Variants in DNAI4 observed in about 807,000 individuals in gnomAD.
DNAI4 encodes the protein dynein axonemal intermediate chain 4, also known as WD repeat domain 78.
A neutral mutation model predicts 105.8 loss-of-function variants in DNAI4; 85 were observed. The ratio of observed to expected loss-of-function variants is 0.80; its 90% CI spans 0.67 to 0.96. DNAI4 has a LOEUF of 0.96. Among genes scored for constraint, DNAI4 ranks in the 40% least tolerant of loss-of-function variants. The pLI is 0.00. For synonymous variants in DNAI4, 352 were observed against 331.5 expected, an observed-to-expected ratio of 1.06 and a Z score of -0.67; for missense variants, 1,014 against 1,005.6, an observed-to-expected ratio of 1.01 and a Z score of -0.11.
At chr1:66,876,341 G>C (rs1489048207) in intron 4 of DNAI4, among the ~76,000 whole-genome samples, 1 of 152,104 alleles carries the variant, frequency 6.6e-6, no homozygotes, top group Non-Finnish European at 1.5e-5. Context: ...GTTTCTTACT[G>C]TTAGACCACC....
In DNAI4 at chr1:66,892,999, G is replaced by GAGAA. The variant is rs1386535708; in HGVS notation, c.530+226_530+229dup. 1.5e-3 allele frequency among the ~76,000 whole-genome samples: 103 copies of GAGAA among 70,262 alleles called. 2 individuals carry two copies. Among genetic ancestry groups the GAGAA allele is most frequent in the African/African-American group, 6.2e-3 (101 of 16,324 alleles). 46.1% of individuals were successfully genotyped at this position (70,262 alleles called of 152,430 possible). On this transcript the variant is annotated intron_variant, in intron 3 of 16. Coordinates refer to ENST00000371026, the MANE Select transcript of DNAI4 (RefSeq NM_024763.5). ...AAAGAAAGAAAGAAAGAAAGAAAGA[G>GAGAA]AGAAAGAGAGAGAGGAAAGAAAGAA...
intron 1 of DNAI4, among the ~76,000 whole-genome samples, chr1:66,916,567 G>A (rs1650088882): frequency 6.6e-6 from 1 of 152,118 alleles, no homozygotes; most frequent in Admixed American, 6.6e-5. Flanking sequence ...GAAAGAGGTT[G>A]GAATGTGGGA....
rs1557961651 is a variant in DNAI4 at position 66,890,773 on chromosome 1, A to G, written c.643+381T>C. ...AAGAGGAGGAGGAGGAAGAGGAAGA[A>G]GAGGAAGAGGAGGAAGAAGAAGTGA... On this transcript the variant is annotated intron_variant, in intron 4 of 16. Coordinates refer to ENST00000371026, the MANE Select transcript of DNAI4 (RefSeq NM_024763.5). This position sits in a 1 kb window ranked among gnomAD's most constrained non-coding sequence, Gnocchi z 4.1. 2 of 268,470 alleles carry G rather than the reference A, an allele frequency of 7.4e-6. No homozygotes were observed. The highest frequency in any genetic ancestry group is 3.7e-5 in the South Asian group (1 of 26,896). The allele number at this position is 268,470 out of a possible 1,614,324, so 16.6% of individuals were successfully genotyped here.
At position 66,901,671 on chromosome 1, in the gene DNAI4, G is replaced by A. The variant is rs373000227; in HGVS notation, c.345+3530C>T. On this transcript the variant is annotated intron_variant, in intron 2 of 16. Coordinates refer to ENST00000371026, the MANE Select transcript of DNAI4 (RefSeq NM_024763.5). ...CTATTGTGCATAATGCTGATATGAA[G>A]ATGGTTGTACAAATATCTGTTTGAA... is the stretch of plus-strand genomic sequence containing the variant. 3.3e-5 allele frequency among the ~76,000 whole-genome samples: 5 copies of A among 152,174 alleles called. No individual in the cohort carries two copies. The East Asian group carries it at 7.7e-4, about 23-fold the overall frequency.
chr1:66,874,767 T>C lies in DNAI4; in HGVS notation c.800+14A>G, dbSNP rs1244006811. On this transcript the variant is annotated intron_variant, in intron 5 of 16. Coordinates refer to ENST00000371026, the MANE Select transcript of DNAI4 (RefSeq NM_024763.5). ...GAATTACAGAAACAATGTAGACAAC[T>C]GAACCATACATACGTTACTTTCTCA... is the stretch of plus-strand genomic sequence containing the variant. The C allele has an allele frequency of 6.3e-7, 1 of 1,594,132 alleles. No homozygotes were observed. The highest frequency in any genetic ancestry group is 8.5e-7 in the Non-Finnish European group (1 of 1,174,358).
intron 6 of DNAI4, 163 bp downstream of exon 6, chr1:66,871,207 C>A: frequency 1.9e-6 from 1 of 524,422 alleles, no homozygotes; most frequent in Non-Finnish European, 3.2e-6. Flanking sequence ...CTTAACATGT[C>A]AAATTCTGAA....
chr1:66,866,086 C>G (rs562556214), intron 6 of DNAI4, among the ~76,000 whole-genome samples: 22 of 152,106 alleles, frequency 1.4e-4, no homozygotes, highest in Admixed American at 2.6e-4. Flanking sequence ...GACAGTGGAT[C>G]ACTTGAGGTC....
chr1:66,875,794 T>A (rs1276561417), intron 4 of DNAI4, among the ~76,000 whole-genome samples: 1 of 151,848 alleles, frequency 6.6e-6, no homozygotes, highest in African/African-American at 2.4e-5. Context: ...TTCCTTATAA[T>A]CTAAAAAAAA....
chr1:66,858,549 A>AAAAAAAAAAAAG (rs1569599336), intron 7 of DNAI4, among the ~76,000 whole-genome samples: 1 of 150,754 alleles, frequency 6.6e-6, no homozygotes, highest in East Asian at 1.9e-4. Flanking sequence ...AAAAAAAAAA[A>AAAAAAAAAAAAG]ATGCAAAAAT....
chr1:66,833,355 C>T (rs981517614), intron 13 of DNAI4, among the ~76,000 whole-genome samples: 6 of 152,058 alleles, frequency 3.9e-5, no homozygotes, highest in Non-Finnish European at 1.5e-5. Flanking sequence ...CATCATCCCC[C>T]AAAAAACTCT....
chr1:66,905,132 T>C, intron 2 of DNAI4, 69 bp downstream of exon 2: 1 of 1,201,088 alleles, frequency 8.3e-7, no homozygotes, highest in Non-Finnish European at 1.1e-6. Context: ...ATATTTTCTA[T>C]CTTTAACATT....
intron 4 of DNAI4, among the ~76,000 whole-genome samples, chr1:66,886,244 A>G (rs922605078): frequency 4.6e-5 from 7 of 152,176 alleles, no homozygotes; most frequent in African/African-American, 1.7e-4. Context: ...CACATTGTAT[A>G]CTTTCTCCAT....
At chr1:66,848,595 C>T (rs1646329027) in intron 7 of DNAI4, among the ~76,000 whole-genome samples, 2 of 152,178 alleles carry the variant, frequency 1.3e-5, no homozygotes, top group Non-Finnish European at 2.9e-5. Flanking sequence ...GCACACTTTT[C>T]CCTATTCTTC....
At chr1:66,879,101 T>C (rs1647015106) in intron 4 of DNAI4, among the ~76,000 whole-genome samples, 3 of 152,306 alleles carry the variant, frequency 2.0e-5, no homozygotes, top group African/African-American at 7.2e-5. Flanking sequence ...AGTAAAGGCA[T>C]GGTGCTATGT....
intron 4 of DNAI4, among the ~76,000 whole-genome samples, chr1:66,884,272 T>C (rs1269850210): frequency 6.6e-6 from 1 of 152,198 alleles, no homozygotes; most frequent in East Asian, 1.9e-4. Flanking sequence ...CTACTGTGAA[T>C]AGTGCTGCAA....
At chr1:66,815,356 G>A (rs562216290) in intron 16 of DNAI4, among the ~76,000 whole-genome samples, 4 of 152,140 alleles carry the variant, frequency 2.6e-5, no homozygotes, top group South Asian at 4.1e-4. Flanking sequence ...CTGAGACCCC[G>A]TCACATAGTA....
At chr1:66,848,604 T>A (rs952774631) in intron 7 of DNAI4, among the ~76,000 whole-genome samples, 6 of 152,228 alleles carry the variant, frequency 3.9e-5, no homozygotes, top group African/African-American at 1.4e-4. Flanking sequence ...TCCCTATTCT[T>A]CCTGCTAAAT....
chr1:66,905,238 G>A lies in DNAI4; in HGVS notation c.308C>T (p.Thr103Ile). 6.4e-7 allele frequency: 1 copy of A among 1,561,808 alleles called. No homozygotes were observed. The highest frequency in any genetic ancestry group is 8.7e-7 in the Non-Finnish European group (1 of 1,145,654). Residue 103 changes from threonine (T) to isoleucine (I), a missense_variant, in exon 2 of 17, where the codon ACT becomes ATT. Coordinates refer to ENST00000371026, the MANE Select transcript of DNAI4 (RefSeq NM_024763.5). ...TATATTGGGATTTGGTTTTTCTACA[G>A]TTTTCAGTTCAGGTGGAATAAGCAC... ...KTVLIPPELK[T>I]VEKPNPNIKT...
chr1:66,917,222 T>C (rs537150060), intron 1 of DNAI4, among the ~76,000 whole-genome samples: 1 of 152,366 alleles, frequency 6.6e-6, no homozygotes, highest in Non-Finnish European at 1.5e-5. Flanking sequence ...GTAATTCTGA[T>C]TTAACTTAGT....
Sources: allele counts gnomAD v4.1 joint callset (sites outside exome capture counted in the v4.1 genomes callset), GRCh38; gene constraint gnomAD v4.1.1; non-coding constraint Gnocchi (gnomAD v3.1); transcripts MANE v1.5; gene names NCBI Gene and HGNC (gene_info 2026-07-23, HGNC 2026-07-21).